COL14A1: variants seen among roughly 807,000 people sequenced by gnomAD.
The protein encoded by COL14A1 is collagen alpha-1(XIV) chain.
In COL14A1, 136 loss-of-function variants were observed where a neutral mutation model predicts 230.3. The observed-to-expected ratio is 0.59, with a 90% CI of 0.51 to 0.68. COL14A1 has a LOEUF of 0.68. Ranked by LOEUF, COL14A1 falls within the 30% of genes least tolerant of loss-of-function variation. The pLI is 0.00. For synonymous variants in COL14A1, 792 were observed against 784.1 expected (o/e 1.01, Z -0.17); for missense variants, 1,976 against 2,215.8 (o/e 0.89, Z 2.17).
intron 5 of COL14A1, among the ~76,000 whole-genome samples, chr8:120,181,825 AC>A (rs1816473840): frequency 6.6e-6 from 1 of 152,092 alleles, no homozygotes; most frequent in Non-Finnish European, 1.5e-5. Flanking sequence ...GGTGGCATGC[AC>A]CTGTAGTCCT....
chr8:120,262,671 A>T (rs1210126646), intron 23 of COL14A1, among the ~76,000 whole-genome samples, 197 bp from the exon 24 acceptor site: 1 of 152,130 alleles, frequency 6.6e-6, no homozygotes, highest in African/African-American at 2.4e-5. Context: ...ATAAAATGTG[A>T]TTTTCCATAG....
intron 5 of COL14A1, among the ~76,000 whole-genome samples, chr8:120,181,492 T>C (rs1055237254): frequency 6.6e-6 from 1 of 152,148 alleles, no homozygotes; most frequent in Non-Finnish European, 1.5e-5. Context: ...CAAAAATTGA[T>C]TTTGGGAGTG....
At chr8:120,188,266 G>A (rs1316759397) in intron 5 of COL14A1, among the ~76,000 whole-genome samples, 1 of 151,970 alleles carries the variant, frequency 6.6e-6, no homozygotes, top group Non-Finnish European at 1.5e-5. Context: ...TATTTTTGTA[G>A]AGACGGGGTT....
chr8:120,128,236 T>C (rs879320686), intron 1 of COL14A1, among the ~76,000 whole-genome samples: 16,954 of 136,706 alleles, frequency 0.12, 1,348 homozygotes, highest in African/African-American at 0.28. Flanking sequence ...CGCGTGTGTG[T>C]GTGTGTGTGT....
chr8:120,167,858 T>G lies in COL14A1; in HGVS notation c.350-303T>G, dbSNP rs368145432. Among the ~76,000 whole-genome samples the G allele has an allele frequency of 1.9e-4, 29 of 152,308 alleles. No homozygotes were observed. The East Asian group carries it at 5.4e-3, about 28-fold the overall frequency. On this transcript the variant is annotated intron_variant, in intron 4 of 47. Transcript: ENST00000297848. ...AGCTTTCTGGTTCTTCATTCCCTCA[T>G]GTATAAGCTAGGGATAATTATGCTG...
intron 12 of COL14A1, among the ~76,000 whole-genome samples, chr8:120,210,288 C>T (rs894413427): frequency 6.6e-6 from 1 of 152,072 alleles, no homozygotes; most frequent in African/African-American, 2.4e-5. Flanking sequence ...ATAAATAATG[C>T]TTTTGTGAAT....
intron 26 of COL14A1, among the ~76,000 whole-genome samples, chr8:120,276,133 T>C (rs920589568): frequency 1.3e-5 from 2 of 150,554 alleles, no homozygotes; most frequent in Non-Finnish European, 3.0e-5. Flanking sequence ...TGTAAAAAAA[T>C]ATATTATATA....
chr8:120,311,017 C>A (rs1821016108), intron 37 of COL14A1, among the ~76,000 whole-genome samples: 1 of 151,998 alleles, frequency 6.6e-6, no homozygotes, highest in Non-Finnish European at 1.5e-5. Context: ...GAGAACATTG[C>A]AAGGTTTTTT....
chr8:120,219,022 A>G (rs960204790), intron 14 of COL14A1, among the ~76,000 whole-genome samples: 4 of 150,940 alleles, frequency 2.7e-5, no homozygotes, highest in African/African-American at 7.3e-5. Flanking sequence ...TTTCTTATAT[A>G]TCAGTTATAT....
chr8:120,193,827 C>G (rs576513790), intron 5 of COL14A1, among the ~76,000 whole-genome samples: 9 of 152,202 alleles, frequency 5.9e-5, no homozygotes, highest in African/African-American at 2.2e-4. Flanking sequence ...ATCAGCGAGA[C>G]TCTGTGGGCG....
At position 120,209,789 on chromosome 8, in the gene COL14A1, A is replaced by T; in HGVS notation, c.1355A>T (p.Tyr452Phe). The part of the protein sequence containing the change: ...ALPMASDLLL[Y>F]DVTENSMRVK... Reference sequence around the variant, plus strand: ...CCGATGGCTTCTGACCTTCTACTGTACGACGTGACTGAGAACAGCATGCGA... The same window carrying T: ...CCGATGGCTTCTGACCTTCTACTGTTCGACGTGACTGAGAACAGCATGCGA... The change falls in exon 12 of 48, where the codon TAC (tyrosine) becomes TTC (phenylalanine). Residue 452 changes from tyrosine to phenylalanine, a missense_variant. Transcript: ENST00000297848. 1 of 1,613,658 alleles carries T rather than the reference A, an allele frequency of 6.2e-7. No homozygotes were observed. The highest frequency in any genetic ancestry group is 8.5e-7 in the Non-Finnish European group (1 of 1,179,790).
intron 35 of COL14A1, among the ~76,000 whole-genome samples, chr8:120,297,930 C>T (rs565872790): frequency 6.6e-6 from 1 of 152,114 alleles, no homozygotes; most frequent in Admixed American, 6.6e-5. Context: ...TAGGTCCAAA[C>T]ATCTTACTAA....
intron 5 of COL14A1, among the ~76,000 whole-genome samples, chr8:120,183,207 T>G (rs899470576): frequency 2.0e-5 from 3 of 152,120 alleles, no homozygotes; most frequent in African/African-American, 4.8e-5. Context: ...GAAAGAAGAC[T>G]AATTGTATTG....
chr8:120,229,791 A>C (rs978593762), intron 18 of COL14A1, among the ~76,000 whole-genome samples: 53 of 152,242 alleles, frequency 3.5e-4, no homozygotes, highest in African/African-American at 9.1e-4. Flanking sequence ...CTGACTTTTT[A>C]ATGATTGCCA....
At chr8:120,313,552 A>T (rs969569213) in intron 37 of COL14A1, among the ~76,000 whole-genome samples, 5 of 152,108 alleles carry the variant, frequency 3.3e-5, no homozygotes, top group Non-Finnish European at 7.4e-5. Context: ...GACAGAGAGA[A>T]TGTAGTTCAT....
At chr8:120,194,412 A>G (rs1816954316) in intron 5 of COL14A1, among the ~76,000 whole-genome samples, 1 of 152,028 alleles carries the variant, frequency 6.6e-6, no homozygotes, top group Admixed American at 6.6e-5. Context: ...CCTTACCCCC[A>G]AAATCTAAGA....
At chr8:120,221,475 A>G (rs949846058) in intron 14 of COL14A1, among the ~76,000 whole-genome samples, 1 of 152,144 alleles carries the variant, frequency 6.6e-6, no homozygotes, top group African/African-American at 2.4e-5. Context: ...AAAATAATCA[A>G]TGCTGAAATT....
intron 19 of COL14A1, among the ~76,000 whole-genome samples, chr8:120,234,478 A>G (rs894036472): frequency 7.9e-5 from 12 of 152,182 alleles, no homozygotes; most frequent in Admixed American, 3.9e-4. Flanking sequence ...TTATTTTGAG[A>G]TACATTCCAT....
rs185987982 is a variant in COL14A1 at position 120,355,641 on chromosome 8, A to G, written c.5077+10078A>G. Among the ~76,000 whole-genome samples the G allele has an allele frequency of 4.3e-4, 65 of 151,910 alleles. 2 individuals are homozygous for G. The highest frequency in any genetic ancestry group is 3.8e-3 in the Admixed American group (58 of 15,242). On this transcript the variant is annotated intron_variant, in intron 45 of 47. Transcript: ENST00000297848. ...TAGGCCAGGCTAGTCTCGAACTCCT[A>G]ACCTCAACTGACAACCCCCCCACCC...
Sources: gnomAD v4.1 joint callset for allele counts (sites outside exome capture counted in the v4.1 genomes callset) on GRCh38, gnomAD v4.1.1 for gene constraint, MANE v1.5 for transcripts, NCBI Gene and HGNC (gene_info 2026-07-23, HGNC 2026-07-21) for gene names.